BMPR1B: variants seen among roughly 807,000 people sequenced by gnomAD.
The protein encoded by BMPR1B is bone morphogenetic protein receptor type-1B.
In BMPR1B, 12 loss-of-function variants were observed where a neutral mutation model predicts 59.1. The ratio of observed to expected loss-of-function variants is 0.20; its 90% confidence interval spans 0.13 to 0.33. The LOEUF is 0.33. Ranked by LOEUF, BMPR1B falls within the 10% of genes least tolerant of loss-of-function variation. The probability of loss-of-function intolerance (pLI) is 1.00; values close to 1 mark genes in which losing one functional copy is unlikely to be tolerated. For synonymous variants in BMPR1B, 237 were observed against 207.3 expected, an observed-to-expected ratio of 1.14 and a Z score of -1.23; for missense variants, 550 against 610.9, an observed-to-expected ratio of 0.90 and a Z score of 1.05.
chr4:95,154,240 A>G (rs1018859690), intron 12 of BMPR1B, among the ~76,000 whole-genome samples: 1 of 152,254 alleles, frequency 6.6e-6, no homozygotes, highest in African/African-American at 2.4e-5. Context: ...GTTATAAACA[A>G]TCTGGGAGTA....
At chr4:94,827,623 T>C (rs1025867448) in intron 1 of BMPR1B, among the ~76,000 whole-genome samples, 2 of 152,330 alleles carry the variant, frequency 1.3e-5, no homozygotes, top group Non-Finnish European at 1.5e-5. Flanking sequence ...TCAGCATTTT[T>C]CCCTTCTTTT....
At chr4:94,787,066 G>A (rs998816710) in intron 1 of BMPR1B, among the ~76,000 whole-genome samples, 1 of 152,132 alleles carries the variant, frequency 6.6e-6, no homozygotes, top group Non-Finnish European at 1.5e-5. Context: ...TGACCCTATG[G>A]CTGAATGCCC....
chr4:95,021,375 G>T (rs973900538), intron 3 of BMPR1B, among the ~76,000 whole-genome samples: 2 of 152,200 alleles, frequency 1.3e-5, no homozygotes, highest in African/African-American at 2.4e-5. Flanking sequence ...ATAAGTTAGA[G>T]ATTTTAAAGA....
intron 1 of BMPR1B, among the ~76,000 whole-genome samples, chr4:94,786,005 A>G (rs1044999568): frequency 3.9e-5 from 6 of 152,196 alleles, no homozygotes; most frequent in Non-Finnish European, 8.8e-5. Flanking sequence ...ATCACTCACT[A>G]CTTCTAGGCT....
At chr4:95,006,062 G>T (rs946229617) in intron 3 of BMPR1B, among the ~76,000 whole-genome samples, 1 of 152,096 alleles carries the variant, frequency 6.6e-6, no homozygotes, top group Non-Finnish European at 1.5e-5. Flanking sequence ...CACGAAGTCA[G>T]GAGTTCGAGA....
chr4:94,846,736 T>A (rs1246440240), intron 1 of BMPR1B, among the ~76,000 whole-genome samples: 1 of 151,772 alleles, frequency 6.6e-6, no homozygotes, highest in Non-Finnish European at 1.5e-5. Context: ...TCTATATCTA[T>A]ATATCCATTC....
rs550725580 is a variant in BMPR1B at position 95,158,425 on chromosome 4, CT to C, written c.*3754del. On this transcript the variant is annotated 3_prime_UTR_variant, in exon 13 of 13. Coordinates refer to ENST00000515059, the MANE Select transcript of BMPR1B (RefSeq NM_001203.3). ...TTTAACATTCCCCTAAATAAAATGG[CT>C]TCATTCTCCCCTTGGAAAAAAACAT... is the stretch of plus-strand genomic sequence containing the variant. The C allele has an allele frequency of 3.9e-5, 6 of 152,116 alleles. No homozygotes were observed. Among genetic ancestry groups the C allele is most frequent in the Non-Finnish European group, 7.4e-5 (5 of 68,024 alleles). The allele number at this position is 152,116 out of a possible 1,614,324, so 9.4% of individuals were successfully genotyped here.
chr4:94,921,557 C>T (rs1230324254), intron 2 of BMPR1B, among the ~76,000 whole-genome samples: 1 of 151,916 alleles, frequency 6.6e-6, no homozygotes, highest in African/African-American at 2.4e-5. Context: ...GGGAGGTACT[C>T]CACACTTTTA....
intron 2 of BMPR1B, among the ~76,000 whole-genome samples, chr4:94,945,402 A>T (rs1729670864): frequency 6.6e-6 from 1 of 152,146 alleles, no homozygotes; most frequent in Non-Finnish European, 1.5e-5. Flanking sequence ...GTATCCATGG[A>T]TTATTTAGGT....
At chr4:94,963,733 A>C (rs1278735207) in intron 2 of BMPR1B, among the ~76,000 whole-genome samples, 1 of 151,968 alleles carries the variant, frequency 6.6e-6, no homozygotes, top group African/African-American at 2.4e-5. Flanking sequence ...TTTTTTCATT[A>C]CTATAGTGTT....
intron 6 of BMPR1B, among the ~76,000 whole-genome samples, chr4:95,122,585 G>A (rs1198301768): frequency 1.3e-5 from 2 of 152,064 alleles, no homozygotes; most frequent in African/African-American, 4.8e-5. Flanking sequence ...TTATAAATCA[G>A]TATATATTAT....
At position 94,982,197 on chromosome 4, in the gene BMPR1B, A is replaced by AT. The variant is rs1487700421; in HGVS notation, c.-112-13840dup. ...AGAAGAACTCATTTTCACCTAAATT[A>AT]TTTGAGTTTTTAGAGGCAAGCATTT... On this transcript the variant is annotated intron_variant, in intron 2 of 12. Transcript: ENST00000515059. 3.3e-5 allele frequency among the ~76,000 whole-genome samples: 5 copies of AT among 152,294 alleles called. No homozygotes were observed. In the East Asian group the frequency reaches 7.7e-4, roughly 23 times the overall value.
chr4:94,821,125 A>T (rs1724191557), intron 1 of BMPR1B, among the ~76,000 whole-genome samples: 1 of 152,238 alleles, frequency 6.6e-6, no homozygotes, highest in Non-Finnish European at 1.5e-5. Context: ...AATATGCTTT[A>T]AAGCTGGCTG....
chr4:95,139,365 G>C (rs190636874), intron 10 of BMPR1B, among the ~76,000 whole-genome samples: 1 of 152,298 alleles, frequency 6.6e-6, no homozygotes, highest in Admixed American at 6.5e-5. Flanking sequence ...AGGAGTCAGG[G>C]ACCCACTGGA....
At chr4:94,759,168 C>T (rs1721658849) in intron 1 of BMPR1B, among the ~76,000 whole-genome samples, 1 of 152,230 alleles carries the variant, frequency 6.6e-6, no homozygotes, top group Non-Finnish European at 1.5e-5. Flanking sequence ...CTGCAGTTCC[C>T]TTGAGTTATT....
chr4:95,095,946 T>A (rs1730339761), intron 3 of BMPR1B, among the ~76,000 whole-genome samples: 1 of 151,828 alleles, frequency 6.6e-6, no homozygotes, highest in Non-Finnish European at 1.5e-5. Context: ...CACTTTAGGA[T>A]GTAATGGATT....
At chr4:94,825,196 C>T (rs1286053590) in intron 1 of BMPR1B, among the ~76,000 whole-genome samples, 1 of 152,050 alleles carries the variant, frequency 6.6e-6, no homozygotes, top group African/African-American at 2.4e-5. Context: ...GCAGCAGATA[C>T]CACTTTCAGC....
At chr4:95,013,097 G>C (rs933925740) in intron 3 of BMPR1B, among the ~76,000 whole-genome samples, 1 of 151,056 alleles carries the variant, frequency 6.6e-6, no homozygotes, top group Admixed American at 6.6e-5. Context: ...TAAATAACTA[G>C]TTTTTCAAAT....
At chr4:94,779,265 T>C (rs1722501258) in intron 1 of BMPR1B, among the ~76,000 whole-genome samples, 1 of 152,196 alleles carries the variant, frequency 6.6e-6, no homozygotes, top group Non-Finnish European at 1.5e-5. Flanking sequence ...GTATCTATCC[T>C]TTCATTCTAG....
Sources: allele counts gnomAD v4.1 joint callset (sites outside exome capture counted in the v4.1 genomes callset), GRCh38; gene constraint gnomAD v4.1.1; transcripts MANE v1.5; gene names NCBI Gene and HGNC (gene_info 2026-07-23, HGNC 2026-07-21).